The following RAP1GDS1 variants were observed in gnomAD, a reference collection of about 807,000 sequenced individuals.
The protein encoded by RAP1GDS1 is Rap1 GTPase-GDP dissociation stimulator 1.
Under a neutral mutation model 71.1 loss-of-function variants are expected in RAP1GDS1, and 35 were observed. The observed-to-expected ratio is 0.49, with a 90% CI of 0.38 to 0.65. The LOEUF is 0.65. Ranked by LOEUF, RAP1GDS1 falls within the 30% of genes least tolerant of loss-of-function variation. The pLI, the probability that RAP1GDS1 is intolerant of heterozygous loss-of-function variation, is 0.00. For missense variants in RAP1GDS1, 663 were observed against 706.1 expected (o/e 0.94, Z 0.69); for synonymous variants, 229 against 243.1 (o/e 0.94, Z 0.54).
chr4:98,417,604 A>T (rs963599846), intron 9 of RAP1GDS1, 106 bp downstream of exon 9: 16 of 1,102,306 alleles, frequency 1.5e-5, no homozygotes, highest in African/African-American at 3.1e-5. Flanking sequence ...GTTGTGTAAT[A>T]TGTGTATATG....
At chr4:98,321,841 C>G (rs1323410168) in intron 2 of RAP1GDS1, among the ~76,000 whole-genome samples, 18 of 120,904 alleles carry the variant, frequency 1.5e-4, no homozygotes, top group African/African-American at 5.8e-4. Context: ...ACCATCGAGA[C>G]TAGGAAGAAA....
At chr4:98,293,624 T>C in intron 2 of RAP1GDS1, 109 bp downstream of exon 2, 1 of 767,886 alleles carries the variant, frequency 1.3e-6, no homozygotes, top group South Asian at 1.7e-5. Flanking sequence ...ATAACTTGAA[T>C]TCTTTTGAAT....
At chr4:98,335,955 C>T (rs539144496) in intron 2 of RAP1GDS1, among the ~76,000 whole-genome samples, 54 of 152,200 alleles carry the variant, frequency 3.5e-4, no homozygotes, top group African/African-American at 1.3e-3. Context: ...ACTTGATAAA[C>T]AGTGTATACT....
intron 1 of RAP1GDS1, among the ~76,000 whole-genome samples, chr4:98,270,621 G>A (rs540247346): frequency 6.6e-6 from 1 of 152,174 alleles, no homozygotes; most frequent in African/African-American, 2.4e-5. Context: ...CTAGGTTAGT[G>A]ATAAATGGAA....
chr4:98,385,557 T>TA (rs1345493628), intron 5 of RAP1GDS1, among the ~76,000 whole-genome samples: 1 of 151,908 alleles, frequency 6.6e-6, no homozygotes, highest in Non-Finnish European at 1.5e-5. Flanking sequence ...GCATCATGTG[T>TA]AAATTAACTT....
rs377408595 is a variant in RAP1GDS1, at chr4:98,433,442, G to A, written c.1441-494G>A. Among the ~76,000 whole-genome samples, 84 of 152,116 alleles carry A rather than the reference G, an allele frequency of 5.5e-4. No individual in the cohort carries two copies. In the South Asian group the frequency reaches 0.016, roughly 29 times the overall value. ...CCTGAGTAGCTGGGACTGCAGATGT[G>A]TGCCACCATGACTGGCTAATTTTTT... On this transcript the variant is annotated intron_variant, in intron 12 of 14. Transcript: ENST00000408927.
At chr4:98,274,804 A>G (rs895677473) in intron 1 of RAP1GDS1, among the ~76,000 whole-genome samples, 1 of 152,154 alleles carries the variant, frequency 6.6e-6, no homozygotes, top group Non-Finnish European at 1.5e-5. Context: ...GAAAACCTCT[A>G]CAAGTCTTTT....
In RAP1GDS1 at chr4:98,369,284, C is replaced by A. The variant is rs77114284; in HGVS notation, c.362-9733C>A. ...GACCATATCATACAGTATATGAAAA[C>A]TTCTTAAATATAATGTTTCAGTGGC... is the stretch of plus-strand genomic sequence containing the variant. On this transcript the variant is annotated intron_variant, in intron 4 of 14. Coordinates refer to ENST00000408927, the MANE Select transcript of RAP1GDS1 (RefSeq NM_001100427.2). 5.6e-3 allele frequency among the ~76,000 whole-genome samples: 850 copies of A among 152,234 alleles called. 10 individuals are homozygous for A. The highest frequency in any genetic ancestry group is 0.019 in the African/African-American group (782 of 41,548).
At chr4:98,283,288 A>C (rs1725455738) in intron 1 of RAP1GDS1, among the ~76,000 whole-genome samples, 1 of 152,202 alleles carries the variant, frequency 6.6e-6, no homozygotes, top group Admixed American at 6.5e-5. Context: ...AAGAAAAAAT[A>C]GTATGAGCTG....
chr4:98,332,969 C>CTTA (rs1360429096), intron 2 of RAP1GDS1, among the ~76,000 whole-genome samples: 1 of 152,116 alleles, frequency 6.6e-6, no homozygotes, highest in Non-Finnish European at 1.5e-5. Flanking sequence ...TGACAACATG[C>CTTA]TTAGACTTTT....
At chr4:98,435,370 T>G (rs982644784) in intron 13 of RAP1GDS1, among the ~76,000 whole-genome samples, 2 of 152,198 alleles carry the variant, frequency 1.3e-5, no homozygotes, top group African/African-American at 4.8e-5. Context: ...TAACAGTCAG[T>G]GAACATATAT....
rs73834442 is a variant in RAP1GDS1, at chr4:98,344,602, G to A, written c.235+1341G>A. The stretch of plus-strand genomic sequence containing the variant: ...TTTCATGACAACTCTGCTTTGAAGA[G>A]TTTCTTACAGTAATACTCTAGTAGA... On this transcript the variant is annotated intron_variant, in intron 3 of 14. Coordinates refer to ENST00000408927, the MANE Select transcript of RAP1GDS1 (RefSeq NM_001100427.2). Among the ~76,000 whole-genome samples the A allele has an allele frequency of 3.8e-3, 582 of 152,180 alleles. 6 individuals are homozygous for A. The highest frequency in any genetic ancestry group is 0.013 in the African/African-American group (557 of 41,524).
At chr4:98,416,268 G>T (rs1305157773) in intron 7 of RAP1GDS1, among the ~76,000 whole-genome samples, 1 of 142,800 alleles carries the variant, frequency 7.0e-6, no homozygotes, top group Non-Finnish European at 1.5e-5. Context: ...TAAATGAACT[G>T]TCAAGATAGT....
intron 6 of RAP1GDS1, among the ~76,000 whole-genome samples, chr4:98,400,294 T>G (rs1191368935): frequency 6.6e-6 from 1 of 151,988 alleles, no homozygotes; most frequent in African/African-American, 2.4e-5. Flanking sequence ...ACAATAGATA[T>G]GGGATCAACC....
chr4:98,350,538 C>A (rs746958233), intron 3 of RAP1GDS1, among the ~76,000 whole-genome samples: 4 of 151,970 alleles, frequency 2.6e-5, no homozygotes, highest in Admixed American at 6.6e-5. Context: ...GAAACTCTGT[C>A]TATAAAAAAA....
chr4:98,443,018 T>TTTTTTTCTTTTTTTTTTTTTTTC lies in RAP1GDS1; in HGVS notation c.*907_*908insCTTTTTTTTTTTTTTTCTTTTTT, dbSNP rs1305969359. On this transcript the variant is annotated 3_prime_UTR_variant, in exon 15 of 15. Coordinates refer to ENST00000408927, the MANE Select transcript of RAP1GDS1 (RefSeq NM_001100427.2). ...GTATAGTTCATTGAAGAATGGAATT[T>TTTTTTTCTTTTTTTTTTTTTTTC]TTTTTTTTTTTTTTTTTTTTGCTGT... The TTTTTTTCTTTTTTTTTTTTTTTC allele has an allele frequency of 5.4e-6, 1 of 184,206 alleles. No homozygotes were observed. Among genetic ancestry groups the TTTTTTTCTTTTTTTTTTTTTTTC allele is most frequent in the Non-Finnish European group, 1.1e-5 (1 of 93,538 alleles). The allele number at this position is 184,206 out of a possible 1,614,324, so 11.4% of individuals were successfully genotyped here.
intron 14 of RAP1GDS1, chr4:98,441,640 G>A (rs1751880279): frequency 1.0e-6 from 1 of 978,462 alleles, no homozygotes; most frequent in Admixed American, 6.2e-5. Context: ...AGTGGCTCAT[G>A]ACTGTCATCC....
At chr4:98,279,549 T>A (rs1260918315) in intron 1 of RAP1GDS1, among the ~76,000 whole-genome samples, 3 of 152,070 alleles carry the variant, frequency 2.0e-5, no homozygotes, top group African/African-American at 7.2e-5. Context: ...AAATTATTTA[T>A]ATATACTTAC....
chr4:98,338,239 G>C (rs1346402556), intron 2 of RAP1GDS1, among the ~76,000 whole-genome samples: 1 of 152,128 alleles, frequency 6.6e-6, no homozygotes, highest in East Asian at 1.9e-4. Flanking sequence ...TGGCTTAAAT[G>C]GGTTTCCTAC....
Sources: allele counts gnomAD v4.1 joint callset (sites outside exome capture counted in the v4.1 genomes callset), GRCh38; gene constraint gnomAD v4.1.1; transcripts MANE v1.5; gene names NCBI Gene and HGNC (gene_info 2026-07-23, HGNC 2026-07-21).